The following AP5Z1 variants were observed in gnomAD, a reference collection of about 807,000 sequenced individuals.
AP5Z1 encodes the protein adaptor related protein complex 5 subunit zeta 1, also known as AP-5 complex subunit zeta-1.
A neutral mutation model predicts 83.0 loss-of-function variants in AP5Z1; 106 were observed. That is an observed-to-expected ratio of 1.28 (90% CI 1.09 to 1.50). The LOEUF (loss-of-function observed/expected upper bound fraction) is 1.50. Ranked by LOEUF, AP5Z1 falls within the 40% of genes most tolerant of loss-of-function variation. The pLI is 0.00. For synonymous variants in AP5Z1, 751 were observed against 514.1 expected (o/e 1.46, Z -6.23); for missense variants, 1,565 against 1,094.2 (o/e 1.43, Z -6.07).
chr7:4,777,495 C>A (rs1227814784), intron 1 of AP5Z1, among the ~76,000 whole-genome samples: 1 of 152,118 alleles, frequency 6.6e-6, no homozygotes, highest in Admixed American at 6.6e-5. Context: ...TCAAGCAATT[C>A]TCCTGCCTCA....
intron 3 of AP5Z1, among the ~76,000 whole-genome samples, chr7:4,782,834 G>A (rs539145056): frequency 3.1e-4 from 47 of 152,306 alleles, no homozygotes; most frequent in African/African-American, 9.6e-4. Context: ...AGGCGCCAGC[G>A]GTGCACCCCC....
chr7:4,781,670 C>A lies in AP5Z1; in HGVS notation c.282C>A (p.Ser94=). 6.2e-7 allele frequency: 1 copy of A among 1,602,718 alleles called. No homozygotes were observed. Among genetic ancestry groups the A allele is most frequent in the South Asian group, 1.1e-5 (1 of 90,894 alleles). ...GCGCCGCCATCCTGCGAGAGATGTC[C>A]CCCTCTGACAGCCTCAGCCTGGCCT... The part of the protein sequence containing the change: ...VLCAAILREM[S]PSDSLSLAWD... Residue 94 remains serine (S), a synonymous_variant, in exon 3 of 17, where the codon TCC becomes TCA. Transcript: ENST00000649063.
chr7:4,792,186 C>G lies in AP5Z1; in HGVS notation c.*801C>G, dbSNP rs1315672956. The G allele has an allele frequency of 6.6e-6, 1 of 152,222 alleles. No individual in the cohort carries two copies. Among genetic ancestry groups the G allele is most frequent in the Admixed American group, 6.5e-5 (1 of 15,290 alleles). The allele number at this position is 152,222 out of a possible 1,614,324, so 9.4% of individuals were successfully genotyped here. On this transcript the variant is annotated 3_prime_UTR_variant, in exon 17 of 17. Coordinates refer to ENST00000649063, the MANE Select transcript of AP5Z1 (RefSeq NM_014855.3). ...ACCTTCCTGGGCCCTGTGGTCCCAC[C>G]CTCCGGACTACCAAGGCACAGCTGT...
Position 4,790,554 on chromosome 7 carries a change from A to C in AP5Z1, c.1901A>C (p.Asn634Thr). The C allele has an allele frequency of 6.2e-7, 1 of 1,613,038 alleles. No homozygotes were observed. The highest frequency in any genetic ancestry group is 8.5e-7 in the Non-Finnish European group (1 of 1,179,838). ...RDLLEFLGSV[N>T]GLCSRASLVT... Reference sequence around the variant, plus strand: ...CTGCTGGAGTTCCTGGGCAGCGTGAATGGTCTCTGCAGCAGGGCGAGCCTC... The same window carrying C: ...CTGCTGGAGTTCCTGGGCAGCGTGACTGGTCTCTGCAGCAGGGCGAGCCTC... The change falls in exon 15 of 17, where the codon AAT (asparagine) becomes ACT (threonine). Residue 634 changes from asparagine to threonine, a missense_variant. Coordinates refer to ENST00000649063, the MANE Select transcript of AP5Z1 (RefSeq NM_014855.3).
At chr7:4,784,765 G>A (rs1173437533) in intron 6 of AP5Z1, 143 bp from the exon 7 acceptor site, 5 of 1,167,760 alleles carry the variant, frequency 4.3e-6, no homozygotes, top group Non-Finnish European at 4.7e-6. Flanking sequence ...CCGGGTGGGT[G>A]GACGTCCTGA....
intron 7 of AP5Z1, 54 bp downstream of exon 7, chr7:4,785,102 G>C: frequency 6.5e-7 from 1 of 1,541,848 alleles, no homozygotes; most frequent in South Asian, 1.2e-5. Context: ...CACCTGCTCT[G>C]CAAGGCCACC....
chr7:4,783,903 GT>G, intron 5 of AP5Z1, 105 bp downstream of exon 5: 1 of 1,238,550 alleles, frequency 8.1e-7, no homozygotes, highest in Non-Finnish European at 1.1e-6. Context: ...GTTCCGCGGG[GT>G]CCAGGACGAG....
rs1016614822 is a variant in AP5Z1 at position 4,787,866 on chromosome 7, C to G, written c.1454+90C>G. On this transcript the variant is annotated intron_variant, in intron 11 of 16. Coordinates refer to ENST00000649063, the MANE Select transcript of AP5Z1 (RefSeq NM_014855.3). ...CTCCTCGCTGCTCCTGACCCCTACA[C>G]CGGGGACCCTCCTTCTTCCCCCCCC... is the stretch of plus-strand genomic sequence containing the variant. The G allele has an allele frequency of 4.2e-6, 6 of 1,414,086 alleles. No individual in the cohort carries two copies. In the African/African-American group the frequency reaches 5.7e-5, roughly 13 times the overall value. 87.6% of individuals were successfully genotyped at this position (1,414,086 alleles called of 1,614,324 possible). A position where few individuals can be genotyped will look rare whatever the true frequency, so the allele number is the denominator to read the frequency against.
rs1281006735 is a variant in AP5Z1, at chr7:4,791,322, G to GC, written c.2365dup (p.Leu789ProfsTer92). 3.1e-6 allele frequency: 5 copies of GC among 1,610,324 alleles called. No individual in the cohort carries two copies. Among genetic ancestry groups the GC allele is most frequent in the Non-Finnish European group, 4.2e-6 (5 of 1,178,396 alleles). ...ATCACCGCGATGCCAACACGGCCCTGCCCCTGGCCCTGCGCACGGTCAGCC... is the reference window on the plus strand; with the variant it reads ...ATCACCGCGATGCCAACACGGCCCTGCCCCCTGGCCCTGCGCACGGTCAGCC... On this transcript the variant is annotated frameshift_variant, in exon 17 of 17. Transcript: ENST00000649063. LOFTEE classifies it high-confidence loss of function.
chr7:4,785,100 C>A, intron 7 of AP5Z1, 52 bp downstream of exon 7: 1 of 1,543,080 alleles, frequency 6.5e-7, no homozygotes, highest in Non-Finnish European at 8.8e-7. Flanking sequence ...CGCACCTGCT[C>A]TGCAAGGCCA....
At chr7:4,788,538 T>C (rs1392214076) in intron 12 of AP5Z1, 1 of 541,504 alleles carries the variant, frequency 1.8e-6, no homozygotes, top group Admixed American at 3.5e-5. Context: ...AGGTTGGCCC[T>C]GTGGGTGCTC....
At position 4,789,827 on chromosome 7, in the gene AP5Z1, C is replaced by T. The variant is rs184752711; in HGVS notation, c.1708-5C>T. ...CTGAGCCTGTTTCCCACTCCTGACC[C>T]CCAGGTGGCTGACGGGTCCCTGATC... On this transcript the variant is annotated splice_region_variant and splice_polypyrimidine_tract_variant and intron_variant, in intron 13 of 16. Transcript: ENST00000649063. 0.014 allele frequency: 21,760 copies of T among 1,551,156 alleles called. 223 individuals are homozygous for T. The highest frequency in any genetic ancestry group is 0.017 in the Non-Finnish European group (19,042 of 1,147,254).
rs764991282 is a variant in AP5Z1, at chr7:4,791,158, C to A, written c.2197C>A (p.Pro733Thr). ...LSKMRTLAHS[P>T]ATSSTHSEEG... Reference sequence around the variant, plus strand: ...AAAGATGAGGACCCTGGCTCACAGTCCAGCCACCAGCTCCACGCACAGCGA... The same window carrying A: ...AAAGATGAGGACCCTGGCTCACAGTACAGCCACCAGCTCCACGCACAGCGA... The change falls in exon 17 of 17, where the codon CCA becomes ACA. Residue 733 changes from proline (P) to threonine (T), a missense_variant. Transcript: ENST00000649063. 1.2e-6 allele frequency: 2 copies of A among 1,609,288 alleles called. No individual in the cohort carries two copies. The highest frequency in any genetic ancestry group is 2.2e-5 in the East Asian group (1 of 44,748).
In AP5Z1 at chr7:4,786,358, G is replaced by T. The variant is rs770472828; in HGVS notation, c.1241G>T (p.Cys414Phe). The T allele has an allele frequency of 1.2e-5, 20 of 1,613,932 alleles. No homozygotes were observed. The highest frequency in any genetic ancestry group is 2.5e-6 in the Non-Finnish European group (3 of 1,179,856). ...PMLAFEFIQF[C>F]RDNLHLFSGH... is the part of the protein sequence containing the mutation. ...CTGGCCTTTGAATTCATCCAGTTCT[G>T]CAGGGACAACCTCCACCTGTTCAGC... The change falls in exon 10 of 17, where the codon TGC (cysteine) becomes TTC (phenylalanine). Residue 414 changes from cysteine (C) to phenylalanine (F), a missense_variant. Coordinates refer to ENST00000649063, the MANE Select transcript of AP5Z1 (RefSeq NM_014855.3).
rs371873524 is a variant in AP5Z1 at position 4,784,864 on chromosome 7, C to G, written c.791-44C>G. ...GCAGGGCAGCAGGCATGTCCCAGCC[C>G]GGGAGCCACACGTCAGCCTGCTGAG... On this transcript the variant is annotated intron_variant, in intron 6 of 16. Coordinates refer to ENST00000649063, the MANE Select transcript of AP5Z1 (RefSeq NM_014855.3). 4 of 1,585,460 alleles carry G rather than the reference C, an allele frequency of 2.5e-6. No homozygotes were observed. In the African/African-American group the frequency reaches 4.0e-5, roughly 16 times the overall value.
At chr7:4,789,791 T>TG in intron 13 of AP5Z1, 41 bp from the exon 14 acceptor site, 4 of 1,508,150 alleles carry the variant, frequency 2.7e-6, no homozygotes, top group South Asian at 1.2e-5. Context: ...GGGCCTGCAG[T>TG]GGGGGTGGGG....
chr7:4,787,536 G>T, intron 10 of AP5Z1, 98 bp from the exon 11 acceptor site: 6 of 1,467,006 alleles, frequency 4.1e-6, no homozygotes, highest in Non-Finnish European at 3.6e-6. Flanking sequence ...CCTGGGGACT[G>T]CAGGTCTGGG....
chr7:4,784,078 G>C lies in AP5Z1; in HGVS notation c.622-125G>C, dbSNP rs1381881118. The C allele has an allele frequency of 2.5e-6, 3 of 1,201,556 alleles. No homozygotes were observed. In the Admixed American group the frequency reaches 7.5e-5, roughly 30 times the overall value. 74.4% of individuals were successfully genotyped at this position (1,201,556 alleles called of 1,614,324 possible). A position where few individuals can be genotyped will look rare whatever the true frequency, so the allele number is the denominator to read the frequency against. ...GGATGGTGTTTTTGCATCACACAGG[G>C]CGGGCCGCTGCCCGGGCTCATGTTC... On this transcript the variant is annotated intron_variant, in intron 5 of 16. Transcript: ENST00000649063.
At chr7:4,787,462 G>T in intron 10 of AP5Z1, 172 bp from the exon 11 acceptor site, 1 of 984,934 alleles carries the variant, frequency 1.0e-6, no homozygotes, top group Non-Finnish European at 1.4e-6. Flanking sequence ...CTCCAGCCTG[G>T]GCGACAGAGC....
Sources: allele counts gnomAD v4.1 joint callset (sites outside exome capture counted in the v4.1 genomes callset), GRCh38; gene constraint gnomAD v4.1.1; transcripts MANE v1.5; gene names NCBI Gene and HGNC (gene_info 2026-07-23, HGNC 2026-07-21).